NAT1: variants seen among roughly 807,000 people sequenced by gnomAD.
NAT1 encodes arylamine N-acetyltransferase 1.
For missense variants in NAT1, 400 were observed against 339.2 expected, an observed-to-expected ratio of 1.18 and a Z score of -1.41; for synonymous variants, 144 against 122.6, an observed-to-expected ratio of 1.17 and a Z score of -1.16.
chr8:18,179,256 A>C (rs112453833), intron 2 of NAT1, among the ~76,000 whole-genome samples: 10 of 152,244 alleles, frequency 6.6e-5, no homozygotes, highest in African/African-American at 1.7e-4. Flanking sequence ...CATATCCTCA[A>C]TGTGGTAATA....
At chr8:18,192,267 A>T (rs987127769) in intron 2 of NAT1, among the ~76,000 whole-genome samples, 2 of 152,256 alleles carry the variant, frequency 1.3e-5, no homozygotes, top group African/African-American at 4.8e-5. Context: ...CATCACAGAA[A>T]TGCAAATCAA....
At chr8:18,174,033 T>C (rs193102569) in intron 2 of NAT1, among the ~76,000 whole-genome samples, 26 of 152,272 alleles carry the variant, frequency 1.7e-4, no homozygotes, top group African/African-American at 6.0e-4. Context: ...GATGTGTGTG[T>C]GAGTCATCCT....
At chr8:18,200,975 C>T (rs1803435237) in intron 2 of NAT1, 1 of 152,042 alleles carries the variant, frequency 6.6e-6, no homozygotes, top group African/African-American at 2.4e-5. Flanking sequence ...TGCTGGAGAC[C>T]ATAACTAGTA....
intron 2 of NAT1, among the ~76,000 whole-genome samples, chr8:18,185,066 T>C (rs1026868902): frequency 1.4e-5 from 1 of 70,918 alleles, no homozygotes; most frequent in Non-Finnish European, 2.5e-5. Context: ...TCAGGAGTGC[T>C]TGTTTCGGTT....
At chr8:18,217,579 C>G (rs1402663636) in intron 1 of NAT1, among the ~76,000 whole-genome samples, 1 of 152,160 alleles carries the variant, frequency 6.6e-6, no homozygotes, top group South Asian at 2.1e-4. Context: ...GGCATGACAG[C>G]CCACATATAT....
intron 2 of NAT1, among the ~76,000 whole-genome samples, chr8:18,178,158 G>T (rs564722886): frequency 6.6e-6 from 1 of 152,142 alleles, no homozygotes; most frequent in African/African-American, 2.4e-5. Flanking sequence ...ACCACTAGAG[G>T]CAAACTTAAG....
intron 1 of NAT1, among the ~76,000 whole-genome samples, chr8:18,211,812 GGAAAA>G (rs10539622): frequency 0.84 from 126,780 of 150,336 alleles, 53,848 homozygotes; most frequent in African/African-American, 0.9. Flanking sequence ...AGAAGGAATA[GGAAAA>G]GAAAAGAAAA....
chr8:18,175,931 T>G (rs908675405), intron 2 of NAT1, among the ~76,000 whole-genome samples: 2 of 152,100 alleles, frequency 1.3e-5, no homozygotes, highest in Non-Finnish European at 2.9e-5. Flanking sequence ...TCTCATTGTG[T>G]TTTAAATTTA....
At chr8:18,217,083 T>A in intron 1 of NAT1, 1 of 816,862 alleles carries the variant, frequency 1.2e-6, no homozygotes, top group Non-Finnish European at 1.9e-6. Flanking sequence ...TCTGGGGAAT[T>A]AGTGAGAATT....
At chr8:18,202,659 G>A (rs1042126210) in intron 2 of NAT1, among the ~76,000 whole-genome samples, 8 of 151,958 alleles carry the variant, frequency 5.3e-5, no homozygotes, top group Non-Finnish European at 1.0e-4. Flanking sequence ...TGGTGCGTCC[G>A]GAGTTGTTTG....
In NAT1 at chr8:18,222,485, G is replaced by A; in HGVS notation, c.438G>A (p.Val146=). 6.2e-7 allele frequency: 1 copy of A among 1,614,088 alleles called. No individual in the cohort carries two copies. The highest frequency in any genetic ancestry group is 8.5e-7 in the Non-Finnish European group (1 of 1,180,000). The change falls in exon 3 of 3, where the codon GTG becomes GTA. Residue 146 remains valine, a synonymous_variant. Coordinates refer to ENST00000307719, the MANE Select transcript of NAT1 (RefSeq NM_000662.8). ...TTTCTGGGAAGGATCAGCCTCAGGT[G>A]CCTTGTGTCTTCCGTTTGACGGAAG... is the stretch of plus-strand genomic sequence containing the variant. The part of the protein sequence containing the change: ...ELISGKDQPQ[V]PCVFRLTEEN...
intron 2 of NAT1, among the ~76,000 whole-genome samples, chr8:18,173,709 G>A (rs949049226): frequency 1.3e-5 from 2 of 152,138 alleles, no homozygotes; most frequent in African/African-American, 4.8e-5. Context: ...ATAAGATTAT[G>A]TACCTCATAG....
At chr8:18,213,433 G>C (rs1804307038) in intron 1 of NAT1, among the ~76,000 whole-genome samples, 1 of 152,062 alleles carries the variant, frequency 6.6e-6, no homozygotes, top group Admixed American at 6.6e-5. Flanking sequence ...ATCAGACTGG[G>C]TGACTCCTGT....
In NAT1 at chr8:18,222,782, T is replaced by C; in HGVS notation, c.735T>C (p.Asn245=). Reference sequence around the variant, plus strand: ...TCACCCTCACCCATAGGAGATTCAATTATAAGGACAATACAGATCTAATAG... The same window carrying C: ...TCACCCTCACCCATAGGAGATTCAACTATAAGGACAATACAGATCTAATAG... ...VGFTLTHRRF[N]YKDNTDLIEF... is the part of the protein sequence containing the mutation. The change falls in exon 3 of 3, where the codon AAT becomes AAC. Residue 245 remains asparagine (N), a synonymous_variant. Transcript: ENST00000307719. 16 of 1,613,584 alleles carry C rather than the reference T, an allele frequency of 9.9e-6. No homozygotes were observed. Among genetic ancestry groups the C allele is most frequent in the Non-Finnish European group, 1.4e-5 (16 of 1,179,862 alleles).
Position 18,222,938 on chromosome 8 carries a change from T to C in NAT1, c.*18T>C. Reference sequence around the variant, plus strand: ...CTATTTAGAATAAGGAGTAAAACAATCTTGTCTATTTGTCATCCAGCTCAC... The same window carrying C: ...CTATTTAGAATAAGGAGTAAAACAACCTTGTCTATTTGTCATCCAGCTCAC... On this transcript the variant is annotated 3_prime_UTR_variant, in exon 3 of 3. Coordinates refer to ENST00000307719, the MANE Select transcript of NAT1 (RefSeq NM_000662.8). 6.6e-7 allele frequency: 1 copy of C among 1,519,580 alleles called. No individual in the cohort carries two copies. Among genetic ancestry groups the C allele is most frequent in the South Asian group, 1.4e-5 (1 of 70,572 alleles). The allele number at this position is 1,519,580 out of a possible 1,614,324, so 94.1% of individuals were successfully genotyped here.
At chr8:18,214,247 A>G (rs1563187349) in intron 1 of NAT1, among the ~76,000 whole-genome samples, 1 of 152,142 alleles carries the variant, frequency 6.6e-6, no homozygotes, top group Non-Finnish European at 1.5e-5. Flanking sequence ...TGACCTCTCT[A>G]CTTTTTGGTT....
chr8:18,184,652 G>A (rs1337666543), intron 2 of NAT1, among the ~76,000 whole-genome samples: 3 of 152,166 alleles, frequency 2.0e-5, no homozygotes, highest in African/African-American at 7.2e-5. Context: ...CCAAATTCAT[G>A]TTGAAACAAT....
intron 2 of NAT1, among the ~76,000 whole-genome samples, chr8:18,176,467 T>C (rs1315693802): frequency 6.6e-6 from 1 of 152,142 alleles, no homozygotes; most frequent in Non-Finnish European, 1.5e-5. Context: ...GACTGTTTTT[T>C]CCCAATTTGT....
At chr8:18,179,284 TGATAATAGCAGCA>T (rs1449494272) in intron 2 of NAT1, among the ~76,000 whole-genome samples, 2 of 152,130 alleles carry the variant, frequency 1.3e-5, no homozygotes, top group Non-Finnish European at 2.9e-5. Context: ...ATCATTCACT[TGATAATAGCAGCA>T]GATAAGGTGA....
Sources: gnomAD v4.1 joint callset for allele counts (sites outside exome capture counted in the v4.1 genomes callset) on GRCh38, gnomAD v4.1.1 for gene constraint, MANE v1.5 for transcripts, NCBI Gene and HGNC (gene_info 2026-07-23, HGNC 2026-07-21) for gene names.